Variants in TCP10L observed in about 807,000 individuals in gnomAD.
TCP10L encodes the protein T-complex protein 10A homolog 1.
In TCP10L, 11 loss-of-function variants were observed where a neutral mutation model predicts 19.2. The ratio of observed to expected loss-of-function variants is 0.57; its 90% CI spans 0.36 to 0.95. The LOEUF is 0.95. Ranked by LOEUF, TCP10L falls within the 40% of genes least tolerant of loss-of-function variation. The pLI is 0.01. For missense variants in TCP10L, 247 were observed against 263.9 expected, an observed-to-expected ratio of 0.94 and a Z score of 0.44; for synonymous variants, 96 against 97.2, an observed-to-expected ratio of 0.99 and a Z score of 0.07.
chr21:32,585,083 G>A (rs1024408742), intron 1 of TCP10L, among the ~76,000 whole-genome samples: 4 of 152,112 alleles, frequency 2.6e-5, no homozygotes, highest in East Asian at 3.9e-4. Flanking sequence ...ACGAAACCCC[G>A]ACTGTTTAAT....
rs1455361910 is a variant in TCP10L, at chr21:32,582,657, A to T, written c.145-242T>A. Among the ~76,000 whole-genome samples, 1 of 149,372 alleles carries T rather than the reference A, an allele frequency of 6.7e-6. No individual in the cohort carries two copies. Among genetic ancestry groups the T allele is most frequent in the Non-Finnish European group, 1.5e-5 (1 of 67,114 alleles). ...ACTCAGGCTGGAGTGCAGTGGCATG[A>T]TCTCAGCTCACTGAAGCTTCAACTT... On this transcript the variant is annotated intron_variant, in intron 2 of 4. Coordinates refer to ENST00000300258, the MANE Select transcript of TCP10L (RefSeq NM_144659.7). The surrounding 1 kb of genome is among the most constrained non-coding windows in gnomAD (Gnocchi z 4.2).
rs955774334 is a variant in TCP10L, at chr21:32,578,904, G to T, written c.361-73C>A. ...TAAATTCAAATTTTAATACAATGAA[G>T]AATAATTGGAATGTCCTAGAAAAAA... On this transcript the variant is annotated intron_variant, in intron 3 of 4. Transcript: ENST00000300258. The surrounding 1 kb of genome is among the most constrained non-coding windows in gnomAD (Gnocchi z 4.2). 3 of 1,605,466 alleles carry T rather than the reference G, an allele frequency of 1.9e-6. No individual in the cohort carries two copies. Among genetic ancestry groups the T allele is most frequent in the Non-Finnish European group, 2.6e-6 (3 of 1,175,426 alleles).
chr21:32,577,113 T>C (rs1015047), intron 4 of TCP10L, among the ~76,000 whole-genome samples, 190 bp from the exon 5 acceptor site: 30,441 of 152,198 alleles, frequency 0.2, 3,098 homozygotes, highest in East Asian at 0.29. Context: ...TTGTGAAATT[T>C]GGGATTCCAA....
At position 32,578,335 on chromosome 21, in the gene TCP10L, G is replaced by T. The variant is rs1193906308; in HGVS notation, c.498+359C>A. On this transcript the variant is annotated intron_variant, in intron 4 of 4. Coordinates refer to ENST00000300258, the MANE Select transcript of TCP10L (RefSeq NM_144659.7). This position sits in a 1 kb window ranked among gnomAD's most constrained non-coding sequence, Gnocchi z 4.2. ...CGCAGTGCAGAAGCAGGGAGCACGG[G>T]AGGCTGCGAGCCCTCAGACTCACGG... Among the ~76,000 whole-genome samples, 5 of 152,228 alleles carry T rather than the reference G, an allele frequency of 3.3e-5. No homozygotes were observed. Among genetic ancestry groups the T allele is most frequent in the African/African-American group, 1.2e-4 (5 of 41,464 alleles).
intron 2 of TCP10L, among the ~76,000 whole-genome samples, chr21:32,583,024 CTTTTTTTT>C (rs59972145): frequency 0.11 from 10,064 of 94,188 alleles, 406 homozygotes; most frequent in Middle Eastern, 0.23. Context: ...CATTCTTTTC[CTTTTTTTT>C]TTTTTTTTTT....
In TCP10L at chr21:32,576,304, CG is replaced by C; in HGVS notation, c.*469del. ...TCTGCCACTCAAGTTTTGCAGACTT[CG>C]GGAAGATGGATGCATAGCCTGGGGC... On this transcript the variant is annotated 3_prime_UTR_variant, in exon 5 of 5. Transcript: ENST00000300258. The C allele has an allele frequency of 6.4e-7, 1 of 1,565,760 alleles. No homozygotes were observed. The highest frequency in any genetic ancestry group is 1.1e-5 in the South Asian group (1 of 87,542).
In TCP10L at chr21:32,582,429, G is replaced by A. The variant is rs2038506320; in HGVS notation, c.145-14C>T. On this transcript the variant is annotated splice_polypyrimidine_tract_variant and intron_variant, in intron 2 of 4. Coordinates refer to ENST00000300258, the MANE Select transcript of TCP10L (RefSeq NM_144659.7). This position sits in a 1 kb window ranked among gnomAD's most constrained non-coding sequence, Gnocchi z 4.2. ...CTGCTGTAATGGCTGTTATTGGGAA[G>A]AGAACACCAGAAAAACCTCTCAGAT... 2 of 1,603,380 alleles carry A rather than the reference G, an allele frequency of 1.2e-6. No individual in the cohort carries two copies. The highest frequency in any genetic ancestry group is 1.3e-5 in the African/African-American group (1 of 74,230).
rs181797297 is a variant in TCP10L, at chr21:32,578,504, A to C, written c.498+190T>G. ...CGGGAGGACTTGGAATCTGCTCCAC[A>C]GCAAGAAGTGCTAAGGGTTAGGATC... is the stretch of plus-strand genomic sequence containing the variant. On this transcript the variant is annotated intron_variant, in intron 4 of 4. Transcript: ENST00000300258. The surrounding 1 kb of genome is among the most constrained non-coding windows in gnomAD (Gnocchi z 4.2). 6.6e-6 allele frequency among the ~76,000 whole-genome samples: 1 copy of C among 152,362 alleles called. No homozygotes were observed. The highest frequency in any genetic ancestry group is 2.4e-5 in the African/African-American group (1 of 41,590).
rs2038408079 is a variant in TCP10L, at chr21:32,574,396, C to T, written c.*2378G>A. Reference sequence around the variant, plus strand: ...GAAAGTCTCTGTTTGAAAGGCTGAACCTCAGGAAATAAAGAGACATTTGGA... The same window carrying T: ...GAAAGTCTCTGTTTGAAAGGCTGAATCTCAGGAAATAAAGAGACATTTGGA... On this transcript the variant is annotated 3_prime_UTR_variant, in exon 5 of 5. Transcript: ENST00000300258. Among the ~76,000 whole-genome samples, 2 of 152,192 alleles carry T rather than the reference C, an allele frequency of 1.3e-5. No homozygotes were observed. The highest frequency in any genetic ancestry group is 4.2e-4 in the South Asian group (2 of 4,816).
Position 32,582,553 on chromosome 21 carries a change from A to C in TCP10L, c.145-138T>G. 1.4e-6 allele frequency: 1 copy of C among 706,994 alleles called. No individual in the cohort carries two copies. Among genetic ancestry groups the C allele is most frequent in the Non-Finnish European group, 2.3e-6 (1 of 427,774 alleles). 43.8% of individuals were successfully genotyped at this position (706,994 alleles called of 1,614,324 possible). The stretch of plus-strand genomic sequence containing the variant: ...AAAGACACCCGATGAGATAAACAGG[A>C]CTACCACAGCCTTTTTCTTTCTTCT... On this transcript the variant is annotated intron_variant, in intron 2 of 4. Transcript: ENST00000300258. This position sits in a 1 kb window ranked among gnomAD's most constrained non-coding sequence, Gnocchi z 4.2.
chr21:32,578,748 C>G lies in TCP10L; in HGVS notation c.444G>C (p.Gln148His). The change falls in exon 4 of 5, where the codon CAG (glutamine) becomes CAC (histidine). Residue 148 changes from glutamine to histidine, a missense_variant. Physicochemically the swap from Gln to His is conservative, Grantham distance 24. Transcript: ENST00000300258. The surrounding 1 kb of genome is among the most constrained non-coding windows in gnomAD (Gnocchi z 4.2). Reference protein sequence around the residue: ...TIPKYAGHKNQSATLLGQRSS... With the variant: ...TIPKYAGHKNHSATLLGQRSS... Reference sequence around the variant, plus strand: ...ATCTTTGTCCCAGGAGAGTGGCACTCTGATTCTTGTGGCCAGCGTATTTGG... The same window carrying G: ...ATCTTTGTCCCAGGAGAGTGGCACTGTGATTCTTGTGGCCAGCGTATTTGG... 1.2e-6 allele frequency: 2 copies of G among 1,614,192 alleles called. No homozygotes were observed. The highest frequency in any genetic ancestry group is 1.7e-6 in the Non-Finnish European group (2 of 1,180,050).
At chr21:32,583,583 C>T (rs1356861374) in intron 2 of TCP10L, among the ~76,000 whole-genome samples, 1,218 of 113,240 alleles carry the variant, frequency 0.011, 26 homozygotes, top group African/African-American at 0.042. Flanking sequence ...AGCGAGACTC[C>T]GTCTCAAAAA....
intron 3 of TCP10L, among the ~76,000 whole-genome samples, chr21:32,580,328 A>G (rs12627116): frequency 0.17 from 25,700 of 151,768 alleles, 2,377 homozygotes; most frequent in East Asian, 0.29. Flanking sequence ...GGATGGTCTC[A>G]ATCTCCTGAC....
chr21:32,584,232 C>T lies in TCP10L; in HGVS notation c.73G>A (p.Gly25Arg). 6.2e-7 allele frequency: 1 copy of T among 1,614,136 alleles called. No individual in the cohort carries two copies. The highest frequency in any genetic ancestry group is 8.5e-7 in the Non-Finnish European group (1 of 1,180,004). ...ACAGCTGTCTTCTCCATGACAGCCC[C>T]AGCTCCTGGGCACGGGTCCTCTGGG... ...THPEDPCPGAGAVMEKTAVAA... is the reference protein window; with the variant it reads ...THPEDPCPGARAVMEKTAVAA... Residue 25 changes from glycine (G) to arginine (R), a missense_variant, in exon 2 of 5, where the codon GGG becomes AGG. Transcript: ENST00000300258.
Position 32,578,587 on chromosome 21 carries a change from A to G in TCP10L, c.498+107T>C. 2 of 1,496,362 alleles carry G rather than the reference A, an allele frequency of 1.3e-6. No individual in the cohort carries two copies. The highest frequency in any genetic ancestry group is 1.4e-5 in the African/African-American group (1 of 71,416). The allele number at this position is 1,496,362 out of a possible 1,614,324, so 92.7% of individuals were successfully genotyped here. ...AGAACACAGGACTCCAGGGAGCACC[A>G]TGCTCACCCAGGGAGGTGAAATTGT... is the stretch of plus-strand genomic sequence containing the variant. On this transcript the variant is annotated intron_variant, in intron 4 of 4. Coordinates refer to ENST00000300258, the MANE Select transcript of TCP10L (RefSeq NM_144659.7). This position sits in a 1 kb window ranked among gnomAD's most constrained non-coding sequence, Gnocchi z 4.2.
intron 1 of TCP10L, among the ~76,000 whole-genome samples, chr21:32,585,048 C>T (rs1163470716): frequency 6.6e-6 from 1 of 152,204 alleles, no homozygotes; most frequent in Admixed American, 6.5e-5. Context: ...TTGCCCTGTC[C>T]GTTTTAGGAA....
In TCP10L at chr21:32,582,133, C is replaced by T; in HGVS notation, c.360+67G>A. On this transcript the variant is annotated intron_variant, in intron 3 of 4. Transcript: ENST00000300258. This position sits in a 1 kb window ranked among gnomAD's most constrained non-coding sequence, Gnocchi z 4.2. The stretch of plus-strand genomic sequence containing the variant: ...CCGCGTCATTCAGCAATAAAGCCCA[C>T]ATCTTTATGGGGACGCTATTTTTAC... The T allele has an allele frequency of 6.4e-7, 1 of 1,556,304 alleles. No homozygotes were observed. Among genetic ancestry groups the T allele is most frequent in the South Asian group, 1.2e-5 (1 of 85,252 alleles).
Position 32,578,950 on chromosome 21 carries a change from A to G in TCP10L, c.361-119T>C. 6.7e-7 allele frequency: 1 copy of G among 1,498,126 alleles called. No individual in the cohort carries two copies. The highest frequency in any genetic ancestry group is 2.4e-5 in the East Asian group (1 of 41,888). 92.8% of individuals were successfully genotyped at this position (1,498,126 alleles called of 1,614,324 possible). A position where few individuals can be genotyped will look rare whatever the true frequency, so the allele number is the denominator to read the frequency against. On this transcript the variant is annotated intron_variant, in intron 3 of 4. Coordinates refer to ENST00000300258, the MANE Select transcript of TCP10L (RefSeq NM_144659.7). This position sits in a 1 kb window ranked among gnomAD's most constrained non-coding sequence, Gnocchi z 4.2. The stretch of plus-strand genomic sequence containing the variant: ...AAAAAATAGGGTACAAGGTAGGGGG[A>G]CTTGGACTGGGTTTTCCCCCTAATA...
In TCP10L at chr21:32,576,077, A is replaced by T; in HGVS notation, c.*697T>A. On this transcript the variant is annotated 3_prime_UTR_variant, in exon 5 of 5. Coordinates refer to ENST00000300258, the MANE Select transcript of TCP10L (RefSeq NM_144659.7). ...GAGGACCCAACGAGGGAATCAGACA[A>T]AAAGTGGCCACAAATTAGGCAGCTC... 1 of 519,316 alleles carries T rather than the reference A, an allele frequency of 1.9e-6. No individual in the cohort carries two copies. Among genetic ancestry groups the T allele is most frequent in the South Asian group, 2.7e-5 (1 of 36,670 alleles). The allele number at this position is 519,316 out of a possible 1,614,324, so 32.2% of individuals were successfully genotyped here.
Sources: gnomAD v4.1 joint callset for allele counts (sites outside exome capture counted in the v4.1 genomes callset) on GRCh38, gnomAD v4.1.1 for gene constraint, Gnocchi (gnomAD v3.1) non-coding constraint, MANE v1.5 for transcripts, NCBI Gene and HGNC (gene_info 2026-07-23, HGNC 2026-07-21) for gene names.